Variants in GRIP1 observed in about 807,000 individuals in gnomAD.
GRIP1 encodes glutamate receptor interacting protein 1.
A neutral mutation model predicts 129.9 loss-of-function variants in GRIP1; 45 were observed. The ratio of observed to expected loss-of-function variants is 0.35; its 90% CI spans 0.27 to 0.44. The LOEUF is 0.44. Ranked by LOEUF, GRIP1 falls within the 20% of genes least tolerant of loss-of-function variation. The probability of loss-of-function intolerance (pLI) is 1.00; values close to 1 mark genes in which losing one functional copy is unlikely to be tolerated. For synonymous variants in GRIP1, 530 were observed against 520.8 expected, an observed-to-expected ratio of 1.02 and a Z score of -0.24; for missense variants, 1,196 against 1,396.8, an observed-to-expected ratio of 0.86 and a Z score of 2.29.
At chr12:67,057,699 T>C (rs2043462254) in intron 1 of GRIP1, among the ~76,000 whole-genome samples, 1 of 152,170 alleles carries the variant, frequency 6.6e-6, no homozygotes, top group Non-Finnish European at 1.5e-5. Flanking sequence ...TATATCAGCA[T>C]TCAGGCTCAC....
At chr12:66,848,587 C>T (rs1429014658) in intron 1 of GRIP1, among the ~76,000 whole-genome samples, 1 of 152,050 alleles carries the variant, frequency 6.6e-6, no homozygotes, top group East Asian at 1.9e-4. Flanking sequence ...GAAATAATAT[C>T]TAAACTATGG....
Position 66,432,595 on chromosome 12 carries a change from A to G in GRIP1, c.1721T>C (p.Val574Ala). The change falls in exon 14 of 25, where the codon GTA becomes GCA. Residue 574 changes from valine to alanine, a missense_variant. Val to Ala is a moderately conservative substitution (Grantham distance 64). Coordinates refer to ENST00000359742, the MANE Select transcript of GRIP1 (RefSeq NM_001366722.1). ...SVIPSSGTFH[V>A]KLPKKHNVEL... is the part of the protein sequence containing the mutation. ...CACATTGTGCTTCTTAGGCAGCTTT[A>G]CATGAAATGTTCCACTACTTGGGAT... is the stretch of plus-strand genomic sequence containing the variant. 1 of 1,604,894 alleles carries G rather than the reference A, an allele frequency of 6.2e-7. No individual in the cohort carries two copies. Among genetic ancestry groups the G allele is most frequent in the Non-Finnish European group, 8.5e-7 (1 of 1,172,364 alleles).
intron 19 of GRIP1, among the ~76,000 whole-genome samples, chr12:66,387,979 AAAAT>A (rs1055577829): frequency 1.2e-4 from 18 of 152,196 alleles, no homozygotes; most frequent in African/African-American, 4.1e-4. Flanking sequence ...TAAAGCAATG[AAAAT>A]AAATAAATCA....
chr12:66,881,464 C>A (rs2040477282), intron 1 of GRIP1, among the ~76,000 whole-genome samples: 1 of 152,148 alleles, frequency 6.6e-6, no homozygotes, highest in South Asian at 2.1e-4. Flanking sequence ...AACTTAAGAG[C>A]TCTACTTAAC....
chr12:66,740,191 T>C (rs943626660), intron 1 of GRIP1, among the ~76,000 whole-genome samples: 10 of 152,304 alleles, frequency 6.6e-5, no homozygotes, highest in Non-Finnish European at 8.8e-5. Flanking sequence ...TCACTGATGA[T>C]GAATATACAT....
chr12:66,615,830 A>G (rs963733054), intron 1 of GRIP1, among the ~76,000 whole-genome samples: 3 of 151,978 alleles, frequency 2.0e-5, no homozygotes, highest in African/African-American at 7.3e-5. Flanking sequence ...TTTTTAGTAG[A>G]GGCAGGGTTT....
chr12:66,625,480 A>G (rs926173475), intron 1 of GRIP1, among the ~76,000 whole-genome samples: 2 of 152,212 alleles, frequency 1.3e-5, no homozygotes, highest in African/African-American at 4.8e-5. Flanking sequence ...AAAGTAATAA[A>G]ATTTACACAT....
At chr12:66,424,993 T>C (rs530401818) in intron 14 of GRIP1, among the ~76,000 whole-genome samples, 5 of 152,162 alleles carry the variant, frequency 3.3e-5, no homozygotes, top group African/African-American at 1.2e-4. Flanking sequence ...TGAACCCAAC[T>C]CTCCCTGTTT....
intron 1 of GRIP1, among the ~76,000 whole-genome samples, chr12:66,639,775 T>A (rs1191337494): frequency 1.3e-5 from 2 of 152,222 alleles, no homozygotes; most frequent in Non-Finnish European, 2.9e-5. Context: ...GCCATTTTTC[T>A]ATTAAAAATT....
At chr12:66,934,009 G>A (rs1057267749) in intron 1 of GRIP1, among the ~76,000 whole-genome samples, 3 of 152,074 alleles carry the variant, frequency 2.0e-5, no homozygotes, top group Non-Finnish European at 4.4e-5. Context: ...CTCCTAAAGT[G>A]TACAAAACAT....
chr12:66,715,909 A>G (rs1024025975), intron 1 of GRIP1, among the ~76,000 whole-genome samples: 1 of 152,014 alleles, frequency 6.6e-6, no homozygotes, highest in African/African-American at 2.4e-5. Flanking sequence ...TTTGACCGAA[A>G]GAAGCATCGC....
chr12:67,020,051 T>C (rs538791416), intron 1 of GRIP1, among the ~76,000 whole-genome samples: 10 of 152,312 alleles, frequency 6.6e-5, no homozygotes, highest in African/African-American at 2.2e-4. Context: ...CTCTAGAAGT[T>C]TGCTTTTTTA....
chr12:66,795,174 G>A (rs1351149667), intron 1 of GRIP1, among the ~76,000 whole-genome samples: 2 of 152,144 alleles, frequency 1.3e-5, no homozygotes, highest in African/African-American at 4.8e-5. Context: ...ATTAACCAGA[G>A]CTGTAATCAT....
At chr12:66,836,952 T>C (rs964766522) in intron 1 of GRIP1, among the ~76,000 whole-genome samples, 1 of 152,206 alleles carries the variant, frequency 6.6e-6, no homozygotes, top group Non-Finnish European at 1.5e-5. Context: ...TTTTTTTCCC[T>C]CTTCAAAGCT....
intron 1 of GRIP1, among the ~76,000 whole-genome samples, chr12:66,666,498 C>T (rs953674679): frequency 3.3e-5 from 5 of 151,954 alleles, no homozygotes; most frequent in Non-Finnish European, 7.4e-5. Context: ...TAATTTAATA[C>T]ATTATTAAAA....
intron 19 of GRIP1, 131 bp from the exon 20 acceptor site, chr12:66,379,567 G>A (rs545985077): frequency 2.2e-6 from 2 of 918,340 alleles, no homozygotes; most frequent in East Asian, 2.4e-5. Context: ...CATAGTGTGT[G>A]CTTATTGTGC....
intron 1 of GRIP1, among the ~76,000 whole-genome samples, chr12:66,989,231 T>C (rs1372290396): frequency 1.3e-5 from 2 of 152,260 alleles, no homozygotes; most frequent in Non-Finnish European, 1.5e-5. Context: ...CTCTTGTGTG[T>C]AAACTTGCTG....
chr12:67,046,078 G>C (rs952215061), intron 1 of GRIP1, among the ~76,000 whole-genome samples: 8 of 152,190 alleles, frequency 5.3e-5, no homozygotes, highest in Non-Finnish European at 1.2e-4. Context: ...GCATCTCACA[G>C]AGAATACAGC....
intron 1 of GRIP1, among the ~76,000 whole-genome samples, chr12:66,627,921 G>A (rs909443944): frequency 3.9e-5 from 6 of 152,300 alleles, no homozygotes; most frequent in East Asian, 3.9e-4. Flanking sequence ...GAGGGCTGGA[G>A]AGCAGGAGTG....
Sources: gnomAD v4.1 joint callset for allele counts (sites outside exome capture counted in the v4.1 genomes callset) on GRCh38, gnomAD v4.1.1 for gene constraint, MANE v1.5 for transcripts, NCBI Gene and HGNC (gene_info 2026-07-23, HGNC 2026-07-21) for gene names.